The following NRXN1 variants were observed in gnomAD, a reference collection of about 807,000 sequenced individuals.
NRXN1 encodes the protein neurexin-1.
NRXN1 carries 39 observed loss-of-function variants against 150.9 expected under a neutral mutation model. The observed-to-expected ratio is 0.26, with a 90% confidence interval of 0.20 to 0.34. The LOEUF (loss-of-function observed/expected upper bound fraction) is 0.34. Ranked by LOEUF, NRXN1 falls within the 10% of genes least tolerant of loss-of-function variation. The pLI, the probability that NRXN1 is intolerant of heterozygous loss-of-function variation, is 1.00. For missense variants in NRXN1, 1,815 were observed against 1,949.9 expected, an observed-to-expected ratio of 0.93 and a Z score of 1.30; for synonymous variants, 924 against 757.0, an observed-to-expected ratio of 1.22 and a Z score of -3.62.
intron 17 of NRXN1, among the ~76,000 whole-genome samples, chr2:50,424,336 G>A (rs561988308): frequency 6.8e-6 from 1 of 146,014 alleles, no homozygotes; most frequent in Non-Finnish European, 1.5e-5. Context: ...AGGAGGGGGA[G>A]GAGGAGGAGG....
chr2:49,971,350 C>A (rs916257932), intron 21 of NRXN1, among the ~76,000 whole-genome samples: 1 of 152,072 alleles, frequency 6.6e-6, no homozygotes, highest in African/African-American at 2.4e-5. Context: ...CTTTAATATG[C>A]GATGCTACAT....
intron 17 of NRXN1, among the ~76,000 whole-genome samples, chr2:50,308,479 C>T (rs972371116): frequency 2.6e-5 from 4 of 151,904 alleles, no homozygotes; most frequent in African/African-American, 7.3e-5. Flanking sequence ...AGGCACATGC[C>T]GCAACTTCCA....
At chr2:50,594,419 G>C (rs1226416261) in intron 8 of NRXN1, among the ~76,000 whole-genome samples, 1 of 152,138 alleles carries the variant, frequency 6.6e-6, no homozygotes, top group African/African-American at 2.4e-5. Flanking sequence ...CATCAGCACT[G>C]TCGGGGAACC....
chr2:50,042,227 G>A (rs1691091574), intron 21 of NRXN1, among the ~76,000 whole-genome samples: 1 of 152,104 alleles, frequency 6.6e-6, no homozygotes, highest in African/African-American at 2.4e-5. Flanking sequence ...CGGTTTGGCT[G>A]TGTCCCCACC....
chr2:50,938,155 C>A (rs1688823444), intron 2 of NRXN1, among the ~76,000 whole-genome samples: 1 of 152,016 alleles, frequency 6.6e-6, no homozygotes, highest in East Asian at 1.9e-4. Flanking sequence ...GCAAGTCAGA[C>A]AGTAGATAGT....
At chr2:50,647,483 GA>G (rs939692373) in intron 5 of NRXN1, among the ~76,000 whole-genome samples, 1 of 151,890 alleles carries the variant, frequency 6.6e-6, no homozygotes, top group African/African-American at 2.4e-5. Flanking sequence ...AAACAAAATA[GA>G]AATAGCTTAC....
At chr2:50,329,615 GTGTATATATATATATATATA>G (rs1558536213) in intron 17 of NRXN1, among the ~76,000 whole-genome samples, 4 of 15,798 alleles carry the variant, frequency 2.5e-4, no homozygotes, top group African/African-American at 2.5e-4. Context: ...GTGTGTGTGT[GTGTATATATATATATATATA>G]TATATATATA....
chr2:49,983,913 T>C (rs1185437730), intron 21 of NRXN1, among the ~76,000 whole-genome samples: 1 of 152,098 alleles, frequency 6.6e-6, no homozygotes, highest in Non-Finnish European at 1.5e-5. Context: ...GGCTCCTTCC[T>C]GTACTTTGGG....
chr2:50,506,787 G>A (rs946608352), intron 12 of NRXN1, 170 bp from the exon 13 acceptor site: 17 of 645,774 alleles, frequency 2.6e-5, no homozygotes, highest in South Asian at 4.9e-5. Context: ...GAGAAGAGGC[G>A]GGCTGGACCA....
chr2:50,314,858 T>C (rs968675886), intron 17 of NRXN1, among the ~76,000 whole-genome samples: 4 of 152,002 alleles, frequency 2.6e-5, no homozygotes, highest in Non-Finnish European at 5.9e-5. Flanking sequence ...TGGAGCAATT[T>C]TTCAACCCTT....
intron 18 of NRXN1, among the ~76,000 whole-genome samples, chr2:50,132,782 A>G (rs1705730804): frequency 1.3e-5 from 2 of 151,838 alleles, no homozygotes. Context: ...TAATGTACAT[A>G]GATACTGTGT....
At chr2:50,344,883 T>C (rs1338111505) in intron 17 of NRXN1, among the ~76,000 whole-genome samples, 1 of 152,138 alleles carries the variant, frequency 6.6e-6, no homozygotes, top group East Asian at 1.9e-4. Context: ...ACCTGCTCCA[T>C]ACACCCATCT....
chr2:51,005,707 G>A (rs1360930886), intron 2 of NRXN1, among the ~76,000 whole-genome samples: 1 of 151,832 alleles, frequency 6.6e-6, no homozygotes, highest in Non-Finnish European at 1.5e-5. Context: ...TAAACCATAA[G>A]AGAGGAAGTA....
chr2:50,083,356 A>C (rs1698249278), intron 19 of NRXN1, among the ~76,000 whole-genome samples: 1 of 152,220 alleles, frequency 6.6e-6, no homozygotes, highest in Non-Finnish European at 1.5e-5. Context: ...AAATGATGCC[A>C]AAACCCATCA....
intron 17 of NRXN1, among the ~76,000 whole-genome samples, chr2:50,250,048 T>G (rs2066897678): frequency 6.6e-6 from 1 of 152,190 alleles, no homozygotes; most frequent in African/African-American, 2.4e-5. Context: ...ACTGACTTGC[T>G]TTACTGACCT....
intron 18 of NRXN1, among the ~76,000 whole-genome samples, chr2:50,151,341 T>C (rs2058683493): frequency 6.6e-6 from 1 of 151,538 alleles, no homozygotes; most frequent in Non-Finnish European, 1.5e-5. Context: ...TAAAACACAC[T>C]GTCAAAGACA....
chr2:50,077,183 C>T (rs556416253), intron 19 of NRXN1, among the ~76,000 whole-genome samples: 1 of 152,184 alleles, frequency 6.6e-6, no homozygotes, highest in East Asian at 1.9e-4. Context: ...ATATAGAGTG[C>T]CCACTACAGA....
At chr2:50,547,487 G>C (rs1224840170) in intron 9 of NRXN1, 1 of 152,160 alleles carries the variant, frequency 6.6e-6, no homozygotes, top group Non-Finnish European at 1.5e-5. Flanking sequence ...GCTGTTTTGT[G>C]TTGAGGGTGG....
At chr2:50,728,140 T>A (rs1697627498) in intron 5 of NRXN1, among the ~76,000 whole-genome samples, 1 of 152,028 alleles carries the variant, frequency 6.6e-6, no homozygotes, top group Non-Finnish European at 1.5e-5. Context: ...CAAGCATGCA[T>A]GCCTGATTGT....
Sources: gnomAD v4.1 joint callset for allele counts (sites outside exome capture counted in the v4.1 genomes callset) on GRCh38, gnomAD v4.1.1 for gene constraint, MANE v1.5 for transcripts, NCBI Gene and HGNC (gene_info 2026-07-23, HGNC 2026-07-21) for gene names.